The following TMEM163 variants were observed in gnomAD, a reference collection of about 807,000 sequenced individuals.
The protein encoded by TMEM163 is transmembrane protein 163.
A neutral mutation model predicts 29.3 loss-of-function variants in TMEM163; 17 were observed. The observed-to-expected ratio is 0.58, with a 90% CI of 0.40 to 0.87. The LOEUF (loss-of-function observed/expected upper bound fraction) is 0.87. Ranked by LOEUF, TMEM163 falls within the 40% of genes least tolerant of loss-of-function variation. The pLI is 0.00. For synonymous variants in TMEM163, 157 were observed against 160.6 expected (o/e 0.98, Z 0.17); for missense variants, 303 against 381.5 (o/e 0.79, Z 1.71).
chr2:134,593,979 T>C (rs2104804342), intron 2 of TMEM163, among the ~76,000 whole-genome samples: 1 of 152,146 alleles, frequency 6.6e-6, no homozygotes. Context: ...GAGGGTCCTT[T>C]AATGAAATTT....
intron 5 of TMEM163, among the ~76,000 whole-genome samples, chr2:134,475,482 A>T (rs1467138264): frequency 6.6e-6 from 1 of 152,186 alleles, no homozygotes; most frequent in Non-Finnish European, 1.5e-5. Flanking sequence ...TCATTAAGAA[A>T]ACTGTGATTA....
intron 4 of TMEM163, among the ~76,000 whole-genome samples, chr2:134,541,689 G>GA (rs1174047586): frequency 6.6e-6 from 1 of 151,834 alleles, no homozygotes; most frequent in Non-Finnish European, 1.5e-5. Context: ...GTTAAATACA[G>GA]AAAAAACAGT....
chr2:134,507,091 C>A lies in TMEM163; in HGVS notation c.459-4094G>T, dbSNP rs929322015. Among the ~76,000 whole-genome samples the A allele has an allele frequency of 5.7e-4, 87 of 152,284 alleles. 1 individual carries two copies. Among genetic ancestry groups the A allele is most frequent in the African/African-American group, 2.0e-3 (84 of 41,580 alleles). ...GTGACTCACGCCTGTAATCCCAGGA[C>A]TTTGGGAGGCCGAGGTGGGTGGATC... is the stretch of plus-strand genomic sequence containing the variant. On this transcript the variant is annotated intron_variant, in intron 4 of 7. Transcript: ENST00000281924.
intron 5 of TMEM163, among the ~76,000 whole-genome samples, chr2:134,475,529 A>G (rs1413311063): frequency 6.6e-6 from 1 of 152,146 alleles, no homozygotes; most frequent in East Asian, 1.9e-4. Flanking sequence ...TTGCTCCTTG[A>G]AAGACTATTA....
chr2:134,613,354 G>T (rs1170053924), intron 2 of TMEM163, among the ~76,000 whole-genome samples: 3 of 152,136 alleles, frequency 2.0e-5, no homozygotes, highest in Admixed American at 1.3e-4. Context: ...AGAAATAATG[G>T]TTCACAACTT....
At chr2:134,661,920 A>ATTTTT (rs1683759735) in intron 2 of TMEM163, among the ~76,000 whole-genome samples, 57 of 110,032 alleles carry the variant, frequency 5.2e-4, no homozygotes, top group African/African-American at 7.3e-4. Context: ...GGATTCATTA[A>ATTTTT]TTTTCTTTCT....
intron 2 of TMEM163, among the ~76,000 whole-genome samples, chr2:134,644,191 A>C: frequency 6.6e-6 from 1 of 152,294 alleles, no homozygotes; most frequent in Middle Eastern, 3.4e-3. Context: ...ATGTCTGTAA[A>C]CTTATCTATA....
chr2:134,659,588 A>T (rs976623957), intron 2 of TMEM163, among the ~76,000 whole-genome samples: 2 of 152,292 alleles, frequency 1.3e-5, no homozygotes, highest in African/African-American at 4.8e-5. Flanking sequence ...CCAAGTGCCT[A>T]CTGTTTGTTC....
chr2:134,686,898 C>T (rs1232271151), intron 2 of TMEM163, among the ~76,000 whole-genome samples: 1 of 152,176 alleles, frequency 6.6e-6, no homozygotes, highest in Non-Finnish European at 1.5e-5. Context: ...AGTCCCCATT[C>T]CCCTGGCCAT....
chr2:134,626,148 A>G (rs958829090), intron 2 of TMEM163, among the ~76,000 whole-genome samples: 2 of 122,328 alleles, frequency 1.6e-5, no homozygotes, highest in Admixed American at 1.2e-4. Context: ...TCTGTCGCTC[A>G]GGCTGGAGTG....
intron 2 of TMEM163, among the ~76,000 whole-genome samples, chr2:134,703,925 T>C (rs1365115639): frequency 6.6e-6 from 1 of 152,148 alleles, no homozygotes; most frequent in East Asian, 1.9e-4. Flanking sequence ...TATATTTGAT[T>C]CCTTTTTTAT....
chr2:134,490,778 C>T (rs974074355), intron 5 of TMEM163, among the ~76,000 whole-genome samples: 5 of 152,074 alleles, frequency 3.3e-5, no homozygotes, highest in Admixed American at 3.3e-4. Flanking sequence ...AAAGGGGACC[C>T]TCATGACCGC....
chr2:134,663,695 C>T (rs1038912799), intron 2 of TMEM163, among the ~76,000 whole-genome samples: 8 of 152,258 alleles, frequency 5.3e-5, no homozygotes, highest in African/African-American at 1.9e-4. Context: ...CCTGCATCCT[C>T]TCCCAACCCT....
chr2:134,652,054 T>C (rs1293057921), intron 2 of TMEM163, among the ~76,000 whole-genome samples: 1 of 140,526 alleles, frequency 7.1e-6, no homozygotes, highest in Non-Finnish European at 1.5e-5. Context: ...ATATGAACTT[T>C]AGAGTAGTTT....
rs1413256438 is a variant in TMEM163 at position 134,456,094 on chromosome 2, A to G, written c.*622T>C. 2.0e-5 allele frequency: 3 copies of G among 152,752 alleles called. No individual in the cohort carries two copies. Among genetic ancestry groups the G allele is most frequent in the South Asian group, 2.1e-4 (1 of 4,838 alleles). 9.5% of individuals were successfully genotyped at this position (152,752 alleles called of 1,614,324 possible). ...GTTCTGAATGTACAAGAAAAGGTCA[A>G]TGTGCTTATTTAATTCGTCCATGCA... On this transcript the variant is annotated 3_prime_UTR_variant, in exon 8 of 8. Transcript: ENST00000281924.
rs368175220 is a variant in TMEM163, at chr2:134,492,360, T to C, written c.555+10541A>G. 1.1e-4 allele frequency among the ~76,000 whole-genome samples: 16 copies of C among 152,360 alleles called. No homozygotes were observed. The East Asian group carries it at 2.1e-3, about 20-fold the overall frequency. ...TCCCTGGGTGCACCTGAACCTCATA[T>C]ACTTAAAGTATACACCTTGATCAGC... On this transcript the variant is annotated intron_variant, in intron 5 of 7. Transcript: ENST00000281924.
At chr2:134,658,037 G>T (rs535235718) in intron 2 of TMEM163, among the ~76,000 whole-genome samples, 1 of 152,240 alleles carries the variant, frequency 6.6e-6, no homozygotes, top group South Asian at 2.1e-4. Context: ...ATAAACATTT[G>T]CTTTAGAAAC....
intron 2 of TMEM163, among the ~76,000 whole-genome samples, chr2:134,662,896 G>C (rs1387207659): frequency 1.3e-5 from 2 of 152,176 alleles, no homozygotes; most frequent in Non-Finnish European, 2.9e-5. Flanking sequence ...TGGGAACCAA[G>C]CACACTCCAG....
At chr2:134,463,155 A>G (rs1281481683) in intron 6 of TMEM163, among the ~76,000 whole-genome samples, 1 of 152,194 alleles carries the variant, frequency 6.6e-6, no homozygotes, top group Non-Finnish European at 1.5e-5. Context: ...CACACAGCTG[A>G]GGGAAGCCGA....
Sources: gnomAD v4.1 joint callset for allele counts (sites outside exome capture counted in the v4.1 genomes callset) on GRCh38, gnomAD v4.1.1 for gene constraint, MANE v1.5 for transcripts, NCBI Gene and HGNC (gene_info 2026-07-23, HGNC 2026-07-21) for gene names.